NCAM1: variants seen among roughly 807,000 people sequenced by gnomAD.
The protein encoded by NCAM1 is neural cell adhesion molecule 1.
Under a neutral mutation model 109.8 loss-of-function variants are expected in NCAM1, and 14 were observed. The ratio of observed to expected loss-of-function variants is 0.13; its 90% CI spans 0.08 to 0.20. NCAM1 has a LOEUF of 0.20. Ranked by LOEUF, NCAM1 falls within the 10% of genes least tolerant of loss-of-function variation. The probability of loss-of-function intolerance (pLI) is 1.00; values close to 1 mark genes in which losing one functional copy is unlikely to be tolerated. For missense variants in NCAM1, 774 were observed against 1,109.9 expected, an observed-to-expected ratio of 0.70 and a Z score of 4.30; for synonymous variants, 418 against 442.9, an observed-to-expected ratio of 0.94 and a Z score of 0.70.
intron 1 of NCAM1, among the ~76,000 whole-genome samples, chr11:112,981,974 C>G (rs1320015472): frequency 2.0e-5 from 3 of 151,832 alleles, no homozygotes; most frequent in East Asian, 3.9e-4. Flanking sequence ...TTTGATGTGC[C>G]TGTTCAGACA....
At chr11:113,138,545 C>G (rs1481371946) in intron 1 of NCAM1, among the ~76,000 whole-genome samples, 1 of 152,176 alleles carries the variant, frequency 6.6e-6, no homozygotes, top group East Asian at 1.9e-4. Flanking sequence ...GTTGAGATTT[C>G]TCTTGATTCT....
At chr11:113,232,543 G>A (rs1555117493) in intron 11 of NCAM1, among the ~76,000 whole-genome samples, 175 bp from the exon 12 acceptor site, 1 of 152,102 alleles carries the variant, frequency 6.6e-6, no homozygotes, top group African/African-American at 2.4e-5. Context: ...CTCCCTGAAT[G>A]TGCCTCTCCC....
intron 1 of NCAM1, among the ~76,000 whole-genome samples, chr11:113,037,791 C>T (rs1249069780): frequency 6.6e-6 from 1 of 152,226 alleles, no homozygotes; most frequent in African/African-American, 2.4e-5. Flanking sequence ...CTCATGTTGA[C>T]ATGTCTCTTG....
chr11:113,008,993 T>A (rs1225020921), intron 1 of NCAM1, among the ~76,000 whole-genome samples: 2 of 152,102 alleles, frequency 1.3e-5, no homozygotes, highest in African/African-American at 2.4e-5. Flanking sequence ...CGATCTCCCA[T>A]GGGGGCCTCA....
intron 1 of NCAM1, among the ~76,000 whole-genome samples, chr11:113,056,874 G>A (rs1555082672): frequency 1.3e-5 from 2 of 152,096 alleles, no homozygotes; most frequent in African/African-American, 4.8e-5. Flanking sequence ...TTGTTGCACA[G>A]CGATAGATAA....
chr11:113,263,643 T>G, intron 17 of NCAM1: 1 of 985,628 alleles, frequency 1.0e-6, no homozygotes, highest in Admixed American at 6.1e-5. Context: ...CCAACAAGTG[T>G]CAGCTTTGAA....
At chr11:113,170,461 A>G (rs1942954900) in intron 1 of NCAM1, among the ~76,000 whole-genome samples, 1 of 152,242 alleles carries the variant, frequency 6.6e-6, no homozygotes, top group Admixed American at 6.5e-5. Flanking sequence ...AAAACAAGGG[A>G]AAATAGAAAT....
At chr11:112,977,596 A>AT (rs1382672098) in intron 1 of NCAM1, among the ~76,000 whole-genome samples, 2 of 151,904 alleles carry the variant, frequency 1.3e-5, no homozygotes, top group Admixed American at 1.3e-4. Flanking sequence ...AAATTAATAC[A>AT]TTGGAATCAA....
Position 113,167,893 on chromosome 11 carries a change from T to C in NCAM1, c.53-34486T>C, listed in dbSNP as rs375742188. Among the ~76,000 whole-genome samples the C allele has an allele frequency of 5.9e-5, 9 of 152,262 alleles. No individual in the cohort carries two copies. In the East Asian group the frequency reaches 1.7e-3, roughly 29 times the overall value. On this transcript the variant is annotated intron_variant, in intron 1 of 19. Coordinates refer to ENST00000316851, the MANE Select transcript of NCAM1 (RefSeq NM_181351.5). ...TGGGCAGGGTGTATTACTGTTGTTG[T>C]TGTTTTTGTCCGACAGCTTGGTTTT...
intron 8 of NCAM1, 34 bp from the exon 9 acceptor site, chr11:113,221,262 T>A (rs1419505241): frequency 6.4e-7 from 1 of 1,553,172 alleles, no homozygotes; most frequent in Non-Finnish European, 8.7e-7. Flanking sequence ...ATTTTACTGC[T>A]TTCTTGTTGT....
At chr11:113,075,112 G>A (rs1394855300) in intron 1 of NCAM1, among the ~76,000 whole-genome samples, 2 of 152,072 alleles carry the variant, frequency 1.3e-5, no homozygotes, top group African/African-American at 2.4e-5. Flanking sequence ...TGTCACCCAG[G>A]CTGGAGTGCA....
At chr11:113,024,577 A>G (rs1952483898) in intron 1 of NCAM1, among the ~76,000 whole-genome samples, 1 of 152,176 alleles carries the variant, frequency 6.6e-6, no homozygotes, top group Non-Finnish European at 1.5e-5. Flanking sequence ...GCTTTAACTT[A>G]TGCTGACAAG....
chr11:113,194,563 G>T (rs951544828), intron 1 of NCAM1, among the ~76,000 whole-genome samples: 2 of 152,188 alleles, frequency 1.3e-5, no homozygotes, highest in Admixed American at 6.5e-5. Flanking sequence ...GTTTAGAGAT[G>T]TCTATATGTT....
At chr11:113,245,812 A>T (rs1480725139) in intron 14 of NCAM1, among the ~76,000 whole-genome samples, 1 of 152,224 alleles carries the variant, frequency 6.6e-6, no homozygotes, top group Non-Finnish European at 1.5e-5. Context: ...TCTAGGGCAC[A>T]CAGTCTTCAC....
At chr11:113,077,580 A>G (rs1472649128) in intron 1 of NCAM1, among the ~76,000 whole-genome samples, 1 of 152,166 alleles carries the variant, frequency 6.6e-6, no homozygotes, top group Non-Finnish European at 1.5e-5. Flanking sequence ...AGCCCAGCCC[A>G]TATGCCAAAA....
chr11:112,979,463 G>A (rs1431858240), intron 1 of NCAM1, among the ~76,000 whole-genome samples: 1 of 151,818 alleles, frequency 6.6e-6, no homozygotes, highest in Non-Finnish European at 1.5e-5. Context: ...CTCCCACTGA[G>A]CAATGGCAGA....
At chr11:113,256,038 G>A (rs781884031) in intron 16 of NCAM1, 37 bp downstream of exon 16, 7 of 1,572,212 alleles carry the variant, frequency 4.5e-6, no homozygotes, top group Admixed American at 3.7e-5. Flanking sequence ...CCAGAACCCT[G>A]CAACCCTGGC....
Position 112,963,955 on chromosome 11 carries a change from G to T in NCAM1, c.52+2291G>T, listed in dbSNP as rs539649963. ...AGGCAGAACGTGAAACACATACAAGGTTGCTTAACAAAAGAAAGAAGTTGA... is the reference window on the plus strand; with the variant it reads ...AGGCAGAACGTGAAACACATACAAGTTTGCTTAACAAAAGAAAGAAGTTGA... On this transcript the variant is annotated intron_variant, in intron 1 of 19. Coordinates refer to ENST00000316851, the MANE Select transcript of NCAM1 (RefSeq NM_181351.5). This position sits in a 1 kb window ranked among gnomAD's most constrained non-coding sequence, Gnocchi z 4.6. 1.3e-5 allele frequency among the ~76,000 whole-genome samples: 2 copies of T among 152,002 alleles called. No individual in the cohort carries two copies. The highest frequency in any genetic ancestry group is 4.8e-5 in the African/African-American group (2 of 41,382).
At chr11:113,167,973 C>A (rs928537956) in intron 1 of NCAM1, among the ~76,000 whole-genome samples, 7 of 152,150 alleles carry the variant, frequency 4.6e-5, no homozygotes, top group African/African-American at 1.7e-4. Flanking sequence ...TCTATAACTT[C>A]TTTGGAAACT....
Sources: allele counts gnomAD v4.1 joint callset (sites outside exome capture counted in the v4.1 genomes callset), GRCh38; gene constraint gnomAD v4.1.1; non-coding constraint Gnocchi (gnomAD v3.1); transcripts MANE v1.5; gene names NCBI Gene and HGNC (gene_info 2026-07-23, HGNC 2026-07-21).